D2HGDH: variants seen among roughly 807,000 people sequenced by gnomAD.
D2HGDH encodes D-2-hydroxyglutarate dehydrogenase.
D2HGDH carries 31 observed loss-of-function variants against 46.9 expected under a neutral mutation model. That is an observed-to-expected ratio of 0.66 (90% CI 0.50 to 0.89). The LOEUF (loss-of-function observed/expected upper bound fraction) is 0.89, where lower values mean the gene tolerates loss of function less well. Among genes scored for constraint, D2HGDH ranks in the 40% least tolerant of loss-of-function variants. D2HGDH has a pLI of 0.00. For synonymous variants in D2HGDH, 364 were observed against 332.6 expected (o/e 1.09, Z -1.03); for missense variants, 698 against 720.8 (o/e 0.97, Z 0.36).
chr2:241,750,022 C>A, intron 6 of D2HGDH, 129 bp from the exon 7 acceptor site: 1 of 1,391,794 alleles, frequency 7.2e-7, no homozygotes. Flanking sequence ...AGTGCCAGTC[C>A]TCGTGCTCCT....
At chr2:241,758,912 T>G (rs1698468608) in intron 9 of D2HGDH, among the ~76,000 whole-genome samples, 1 of 151,930 alleles carries the variant, frequency 6.6e-6, no homozygotes, top group Non-Finnish European at 1.5e-5. Flanking sequence ...AGCCAGAGAT[T>G]ACAGGCGTGA....
intron 9 of D2HGDH, among the ~76,000 whole-genome samples, chr2:241,760,852 C>A (rs981059496): frequency 1.3e-5 from 2 of 152,274 alleles, no homozygotes; most frequent in East Asian, 3.8e-4. Context: ...ACTTAGCTCC[C>A]TCAGTCACAT....
chr2:241,746,477 T>G (rs1390374714), intron 6 of D2HGDH, among the ~76,000 whole-genome samples: 1 of 152,254 alleles, frequency 6.6e-6, no homozygotes, highest in Non-Finnish European at 1.5e-5. Context: ...TTTGTGTCTT[T>G]AAACATAGTT....
chr2:241,755,437 GCCC>G (rs764510846), intron 8 of D2HGDH: 1 of 1,310,558 alleles, frequency 7.6e-7, no homozygotes, highest in Non-Finnish European at 1.0e-6. Flanking sequence ...GCCTTCCCTG[GCCC>G]TTGCCACTCT....
intron 6 of D2HGDH, chr2:241,749,172 C>G (rs1327757670): frequency 6.0e-6 from 5 of 829,614 alleles, no homozygotes; most frequent in Non-Finnish European, 7.9e-6. Flanking sequence ...GATGCCCAGT[C>G]CCCACCGCCA....
intron 2 of D2HGDH, among the ~76,000 whole-genome samples, chr2:241,737,056 C>T (rs531907396): frequency 1.2e-4 from 19 of 152,198 alleles, no homozygotes; most frequent in South Asian, 1.0e-3. Context: ...GCAAGCTCCG[C>T]CTCCTGGCTT....
Position 241,743,234 on chromosome 2 carries a change from T to C in D2HGDH, c.491-388T>C, listed in dbSNP as rs922534395. Among the ~76,000 whole-genome samples the C allele has an allele frequency of 3.3e-4, 50 of 152,198 alleles. No individual in the cohort carries two copies. Among genetic ancestry groups the C allele is most frequent in the African/African-American group, 5.3e-4 (22 of 41,446 alleles). The stretch of plus-strand genomic sequence containing the variant: ...GTCGGGCGCCTGCACTGTTGGGTGT[T>C]GAGCAGCATCCTTGGCCTCCGCCTA... On this transcript the variant is annotated intron_variant, in intron 4 of 9. Transcript: ENST00000321264. The surrounding 1 kb of genome is among the most constrained non-coding windows in gnomAD (Gnocchi z 4.8).
chr2:241,760,760 T>C (rs974712240), intron 9 of D2HGDH, among the ~76,000 whole-genome samples: 1 of 152,254 alleles, frequency 6.6e-6, no homozygotes, highest in Non-Finnish European at 1.5e-5. Context: ...GAAGAGAGGA[T>C]TCTGACCCAG....
At chr2:241,746,957 G>C (rs980843500) in intron 6 of D2HGDH, among the ~76,000 whole-genome samples, 1 of 151,202 alleles carries the variant, frequency 6.6e-6, no homozygotes, top group African/African-American at 2.4e-5. Flanking sequence ...ATTTTTTCAA[G>C]TCTGTGTAGT....
intron 6 of D2HGDH, chr2:241,749,212 AC>A: frequency 1.0e-6 from 1 of 958,260 alleles, no homozygotes; most frequent in South Asian, 1.7e-5. Context: ...CACCTCCCAC[AC>A]CCCAGCCCTC....
intron 8 of D2HGDH, among the ~76,000 whole-genome samples, chr2:241,751,656 C>T (rs886388854): frequency 6.6e-6 from 1 of 152,224 alleles, no homozygotes; most frequent in Non-Finnish European, 1.5e-5. Context: ...GGGGACTGCC[C>T]CATTGCTGGT....
chr2:241,750,079 T>G (rs1388559186), intron 6 of D2HGDH, 72 bp from the exon 7 acceptor site: 1 of 1,610,682 alleles, frequency 6.2e-7, no homozygotes, highest in Non-Finnish European at 8.5e-7. Flanking sequence ...CTGATGTTGC[T>G]GCTTTGAAGG....
chr2:241,768,177 C>CA lies in D2HGDH; in HGVS notation c.*208_*209insA, dbSNP rs1434310418. On this transcript the variant is annotated 3_prime_UTR_variant, in exon 10 of 10. Transcript: ENST00000321264. ...GAGTGGGGGGCGTGGCAGGCACCCT[C>CA]CTTTGCAGGGCGAGGTGGGGCCTCT... The CA allele has an allele frequency of 2.5e-6, 2 of 786,256 alleles. No homozygotes were observed. Among genetic ancestry groups the CA allele is most frequent in the East Asian group, 5.5e-5 (2 of 36,552 alleles). 48.7% of individuals were successfully genotyped at this position (786,256 alleles called of 1,614,324 possible).
chr2:241,759,913 A>G (rs1474740235), intron 9 of D2HGDH, among the ~76,000 whole-genome samples: 1 of 152,252 alleles, frequency 6.6e-6, no homozygotes, highest in Non-Finnish European at 1.5e-5. Flanking sequence ...CGTTTGGTCA[A>G]ACTCCAGTTT....
intron 3 of D2HGDH, 61 bp downstream of exon 3, chr2:241,741,151 G>A (rs1296554942): frequency 6.6e-7 from 1 of 1,504,028 alleles, no homozygotes; most frequent in African/African-American, 1.4e-5. Flanking sequence ...ATTTCCTCAT[G>A]GAGCCTGTGG....
At chr2:241,751,427 C>A in intron 8 of D2HGDH, 39 bp downstream of exon 8, 1 of 1,610,164 alleles carries the variant, frequency 6.2e-7, no homozygotes, top group South Asian at 1.1e-5. Flanking sequence ...GCTCTCTGTC[C>A]GTCCAGTCCA....
intron 2 of D2HGDH, chr2:241,736,307 G>A (rs1359093736): frequency 6.6e-6 from 1 of 152,268 alleles, no homozygotes; most frequent in Non-Finnish European, 1.5e-5. Flanking sequence ...ATTCCAGCCT[G>A]GGCAACAGAG....
At chr2:241,761,095 C>T (rs774684168) in intron 9 of D2HGDH, among the ~76,000 whole-genome samples, 4 of 152,152 alleles carry the variant, frequency 2.6e-5, no homozygotes, top group African/African-American at 4.8e-5. Context: ...TATGGTGGCC[C>T]CTGTATTTGC....
chr2:241,748,056 CG>C (rs1696338258), intron 6 of D2HGDH, among the ~76,000 whole-genome samples: 1 of 152,194 alleles, frequency 6.6e-6, no homozygotes, highest in South Asian at 2.1e-4. Flanking sequence ...CGGCCAACAG[CG>C]TTGACTTGGT....
Sources: allele counts gnomAD v4.1 joint callset (sites outside exome capture counted in the v4.1 genomes callset), GRCh38; gene constraint gnomAD v4.1.1; non-coding constraint Gnocchi (gnomAD v3.1); transcripts MANE v1.5; gene names NCBI Gene and HGNC (gene_info 2026-07-23, HGNC 2026-07-21).